Variants in PAIP2 observed in about 807,000 individuals in gnomAD.
PAIP2 encodes poly(A) binding protein interacting protein 2.
In PAIP2, 7 loss-of-function variants were observed where a neutral mutation model predicts 14.8. The ratio of observed to expected loss-of-function variants is 0.47; its 90% CI spans 0.27 to 0.89. The LOEUF (loss-of-function observed/expected upper bound fraction) is 0.89. PAIP2 is among the 40% of genes least tolerant of loss of function. The pLI is 0.13. For missense variants in PAIP2, 122 were observed against 154.7 expected, an observed-to-expected ratio of 0.79 and a Z score of 1.12; for synonymous variants, 47 against 45.3, an observed-to-expected ratio of 1.04 and a Z score of -0.15.
At chr5:139,345,720 C>T (rs1402718818) in intron 1 of PAIP2, among the ~76,000 whole-genome samples, 4 of 151,314 alleles carry the variant, frequency 2.6e-5, no homozygotes, top group South Asian at 2.1e-4. Flanking sequence ...CTCCACCTCC[C>T]GGGTTCATGC....
At chr5:139,366,417 A>C (rs1209801908) in intron 3 of PAIP2, among the ~76,000 whole-genome samples, 1 of 152,178 alleles carries the variant, frequency 6.6e-6, no homozygotes. Context: ...GATTTATTAT[A>C]CAGCCAACTT....
chr5:139,349,831 G>A (rs1199915657), intron 1 of PAIP2, among the ~76,000 whole-genome samples: 4 of 151,490 alleles, frequency 2.6e-5, no homozygotes, highest in East Asian at 2.0e-4. Context: ...GTGAAACCCC[G>A]TTTCTACTAA....
intron 1 of PAIP2, among the ~76,000 whole-genome samples, chr5:139,345,976 A>G (rs1480528389): frequency 6.6e-6 from 1 of 152,150 alleles, no homozygotes; most frequent in Non-Finnish European, 1.5e-5. Flanking sequence ...TAGTGGAGAA[A>G]GATTGTAAAA....
intron 1 of PAIP2, among the ~76,000 whole-genome samples, chr5:139,349,286 T>A (rs1423550556): frequency 6.6e-6 from 1 of 152,160 alleles, no homozygotes; most frequent in Non-Finnish European, 1.5e-5. Flanking sequence ...TCTCGCTCTG[T>A]CGCCCAGGCT....
chr5:139,353,418 A>G (rs1441158157), intron 1 of PAIP2, among the ~76,000 whole-genome samples: 1 of 152,104 alleles, frequency 6.6e-6, no homozygotes, highest in Non-Finnish European at 1.5e-5. Flanking sequence ...CTATTTCTGA[A>G]TAGGATGATG....
At chr5:139,366,004 A>G (rs1757228271) in intron 3 of PAIP2, among the ~76,000 whole-genome samples, 1 of 152,250 alleles carries the variant, frequency 6.6e-6, no homozygotes, top group South Asian at 2.1e-4. Flanking sequence ...GTTCGAGACC[A>G]GCCTGACCAA....
Position 139,368,892 on chromosome 5 carries a change from T to A in PAIP2, c.*94T>A. 1.1e-6 allele frequency: 1 copy of A among 945,758 alleles called. No homozygotes were observed. Among genetic ancestry groups the A allele is most frequent in the Non-Finnish European group, 1.7e-6 (1 of 598,926 alleles). 58.6% of individuals were successfully genotyped at this position (945,758 alleles called of 1,614,324 possible). A position where few individuals can be genotyped will look rare whatever the true frequency, so the allele number is the denominator to read the frequency against. ...AATTGTAAAAGCTCTCTTGTCACTG[T>A]GTTACACTTATGCATTGCCAAAGTT... is the stretch of plus-strand genomic sequence containing the variant. On this transcript the variant is annotated 3_prime_UTR_variant, in exon 4 of 4. Transcript: ENST00000265192.
Position 139,369,681 on chromosome 5 carries a change from C to CA in PAIP2, c.*888dup, listed in dbSNP as rs754292630. On this transcript the variant is annotated 3_prime_UTR_variant, in exon 4 of 4. Transcript: ENST00000265192. ...ATATTGTAAAAAAATTATATTTTTTCAAAAATATTTAAAAAAATAAATAAT... is the reference window on the plus strand; with the variant it reads ...ATATTGTAAAAAAATTATATTTTTTCAAAAAATATTTAAAAAAATAAATAAT... The CA allele has an allele frequency of 1.3e-5, 2 of 152,312 alleles. No individual in the cohort carries two copies. The highest frequency in any genetic ancestry group is 2.1e-4 in the South Asian group (1 of 4,812). 9.4% of individuals were successfully genotyped at this position (152,312 alleles called of 1,614,324 possible).
intron 3 of PAIP2, among the ~76,000 whole-genome samples, chr5:139,368,026 C>A (rs546780359): frequency 6.6e-6 from 1 of 151,912 alleles, no homozygotes; most frequent in African/African-American, 2.4e-5. Context: ...TGGTGAAACC[C>A]CTTCTCTACT....
chr5:139,345,781 C>T (rs1756526792), intron 1 of PAIP2, among the ~76,000 whole-genome samples: 1 of 151,950 alleles, frequency 6.6e-6, no homozygotes, highest in Non-Finnish European at 1.5e-5. Context: ...ACGCTTGCCA[C>T]CATGCCTGGC....
intron 3 of PAIP2, among the ~76,000 whole-genome samples, chr5:139,368,067 G>A (rs1391929309): frequency 6.6e-6 from 1 of 152,188 alleles, no homozygotes; most frequent in Non-Finnish European, 1.5e-5. Flanking sequence ...CGGGCGCGGT[G>A]GCTTACGCCT....
chr5:139,363,636 G>A (rs547825639), intron 1 of PAIP2, 123 bp from the exon 2 acceptor site: 16 of 739,138 alleles, frequency 2.2e-5, no homozygotes, highest in African/African-American at 1.3e-4. Context: ...GCAAGAGATC[G>A]AGGCTGTGGT....
At chr5:139,348,296 C>G (rs1341323022) in intron 1 of PAIP2, among the ~76,000 whole-genome samples, 1 of 151,810 alleles carries the variant, frequency 6.6e-6, no homozygotes, top group Non-Finnish European at 1.5e-5. Context: ...TCGAGCAATT[C>G]TCCTGCTTCA....
chr5:139,347,383 C>T (rs1284053062), intron 1 of PAIP2, among the ~76,000 whole-genome samples: 1 of 150,736 alleles, frequency 6.6e-6, no homozygotes, highest in African/African-American at 2.4e-5. Context: ...AAGCGATTCT[C>T]CTGCCTCAGC....
rs70982774 is a variant in PAIP2, at chr5:139,356,889, GA to G, written c.-26-6851del. Among the ~76,000 whole-genome samples the G allele has an allele frequency of 6.5e-3, 731 of 112,464 alleles. 7 individuals carry two copies. Among genetic ancestry groups the G allele is most frequent in the African/African-American group, 0.028 (635 of 22,354 alleles). The allele number at this position is 112,464 out of a possible 152,430, so 73.8% of individuals were successfully genotyped here. On this transcript the variant is annotated intron_variant, in intron 1 of 3. Transcript: ENST00000265192. ...GTGACAGAGCAAGACTCTGTCTCCA[GA>G]AAAAAAAAAAAAAAAAAAGACATTT...
chr5:139,367,797 C>G (rs914915564), intron 3 of PAIP2, among the ~76,000 whole-genome samples: 1 of 152,162 alleles, frequency 6.6e-6, no homozygotes, highest in African/African-American at 2.4e-5. Context: ...TACCATAGTT[C>G]GATTAACAGA....
chr5:139,347,461 G>A lies in PAIP2; in HGVS notation c.-27+5481G>A, dbSNP rs181107334. On this transcript the variant is annotated intron_variant, in intron 1 of 3. Transcript: ENST00000265192. The stretch of plus-strand genomic sequence containing the variant: ...GCTAATTTTTGTATTTTTGGTAGAG[G>A]CAAGGTTTCACCATATTGGCCGGGC... Among the ~76,000 whole-genome samples, 374 of 151,578 alleles carry A rather than the reference G, an allele frequency of 2.5e-3. 6 individuals carry two copies. The highest frequency in any genetic ancestry group is 5.0e-3 in the Admixed American group (76 of 15,200).
chr5:139,359,035 C>T (rs1336181473), intron 1 of PAIP2, among the ~76,000 whole-genome samples: 2 of 152,002 alleles, frequency 1.3e-5, no homozygotes, highest in Non-Finnish European at 2.9e-5. Flanking sequence ...AATGCAGTGG[C>T]GTGCGATCAT....
At chr5:139,367,437 A>G (rs568411721) in intron 3 of PAIP2, 2 of 152,300 alleles carry the variant, frequency 1.3e-5, no homozygotes, top group African/African-American at 4.8e-5. Context: ...TAACATTGGT[A>G]CAAGTCTCTA....
Sources: allele counts gnomAD v4.1 joint callset (sites outside exome capture counted in the v4.1 genomes callset), GRCh38; gene constraint gnomAD v4.1.1; transcripts MANE v1.5; gene names NCBI Gene and HGNC (gene_info 2026-07-23, HGNC 2026-07-21).